Variants in SLC2A14 observed in about 807,000 individuals in gnomAD.
SLC2A14 encodes solute carrier family 2 member 14.
Under a neutral mutation model 43.0 loss-of-function variants are expected in SLC2A14, and 13 were observed. The ratio of observed to expected loss-of-function variants is 0.30; its 90% CI spans 0.20 to 0.48. The LOEUF is 0.48. Among genes scored for constraint, SLC2A14 ranks in the 20% least tolerant of loss-of-function variants. The pLI, the probability that SLC2A14 is intolerant of heterozygous loss-of-function variation, is 0.99. For missense variants in SLC2A14, 428 were observed against 620.4 expected (o/e 0.69, Z 3.29); for synonymous variants, 190 against 233.8 (o/e 0.81, Z 1.71).
At chr12:7,815,717 C>G (rs1323905352) in intron 10 of SLC2A14, among the ~76,000 whole-genome samples, 2 of 151,932 alleles carry the variant, frequency 1.3e-5, no homozygotes, top group Non-Finnish European at 2.9e-5. Context: ...GCTGGGATTA[C>G]AGGTATGCAC....
At chr12:7,840,357 G>T (rs1245229817) in intron 2 of SLC2A14, among the ~76,000 whole-genome samples, 1 of 151,790 alleles carries the variant, frequency 6.6e-6, no homozygotes, top group Non-Finnish European at 1.5e-5. Flanking sequence ...ACTGTTTATA[G>T]ATTACTCAGT....
chr12:7,866,980 C>T (rs757645792), intron 2 of SLC2A14, among the ~76,000 whole-genome samples: 3 of 147,038 alleles, frequency 2.0e-5, no homozygotes, highest in South Asian at 2.3e-4. Flanking sequence ...TCACTTTTGT[C>T]GCCCATGCTG....
Position 7,814,303 on chromosome 12 carries a change from A to G in SLC2A14, c.*13T>C. ...CTTTCCCATGCCGGGAGGGAGGTGG[A>G]AGGAGGCATGACTTAGACATTGGTG... is the stretch of plus-strand genomic sequence containing the variant. On this transcript the variant is annotated 3_prime_UTR_variant, in exon 11 of 11. Coordinates refer to ENST00000431042, the MANE Select transcript of SLC2A14 (RefSeq NM_001286234.2). 6.3e-7 allele frequency: 1 copy of G among 1,581,052 alleles called. No homozygotes were observed. Among genetic ancestry groups the G allele is most frequent in the East Asian group, 2.2e-5 (1 of 44,676 alleles).
intron 1 of SLC2A14, chr12:7,871,030 G>T: frequency 1.4e-6 from 2 of 1,429,320 alleles, no homozygotes; most frequent in Non-Finnish European, 1.9e-6. Flanking sequence ...CGACAAGCTG[G>T]CTTCACCGCG....
At chr12:7,881,468 G>A (rs886708482) in intron 1 of SLC2A14, among the ~76,000 whole-genome samples, 7 of 152,022 alleles carry the variant, frequency 4.6e-5, no homozygotes, top group Non-Finnish European at 1.0e-4. Context: ...CAGCAGTGCC[G>A]GCCCACCGGC....
chr12:7,820,619 G>C (rs1381496319), intron 8 of SLC2A14, among the ~76,000 whole-genome samples: 1 of 152,146 alleles, frequency 6.6e-6, no homozygotes, highest in Admixed American at 6.6e-5. Context: ...TTGTTTTAGT[G>C]TAAAAACAGA....
intron 2 of SLC2A14, among the ~76,000 whole-genome samples, chr12:7,838,657 ACT>A (rs1865661150): frequency 6.6e-6 from 1 of 152,246 alleles, no homozygotes; most frequent in Admixed American, 6.5e-5. Flanking sequence ...TGGATTTGGA[ACT>A]CATGCTGGAA....
intron 2 of SLC2A14, among the ~76,000 whole-genome samples, chr12:7,841,992 C>T (rs909629898): frequency 8.6e-5 from 13 of 150,312 alleles, no homozygotes; most frequent in African/African-American, 1.7e-4. Flanking sequence ...GCAACAAGAG[C>T]GAAACTCTGT....
At chr12:7,839,893 G>A (rs1407462605) in intron 2 of SLC2A14, 4 of 416,288 alleles carry the variant, frequency 9.6e-6, no homozygotes, top group Middle Eastern at 7.8e-4. Context: ...TTTTGGACCA[G>A]CCTGGGCGAC....
chr12:7,881,478 C>T (rs1240698617), intron 1 of SLC2A14, among the ~76,000 whole-genome samples: 3 of 152,092 alleles, frequency 2.0e-5, no homozygotes, highest in South Asian at 2.1e-4. Context: ...GGCCCACCGG[C>T]GCTGCACTCG....
intron 2 of SLC2A14, among the ~76,000 whole-genome samples, chr12:7,852,923 A>G (rs759153905): frequency 6.6e-6 from 1 of 152,254 alleles, no homozygotes; most frequent in Admixed American, 6.6e-5. Flanking sequence ...TCTCACTAAA[A>G]TTCAAAGCAC....
intron 7 of SLC2A14, among the ~76,000 whole-genome samples, chr12:7,823,982 G>A (rs774834932): frequency 2.0e-5 from 3 of 152,246 alleles, no homozygotes; most frequent in African/African-American, 2.4e-5. Flanking sequence ...TTGGCCAGGC[G>A]CAGTTGCTCA....
Position 7,885,736 on chromosome 12 carries a change from C to T in SLC2A14, c.132+5260G>A, listed in dbSNP as rs142338914. Among the ~76,000 whole-genome samples the T allele has an allele frequency of 1.6e-3, 249 of 152,050 alleles. 2 individuals carry two copies. The highest frequency in any genetic ancestry group is 0.012 in the South Asian group (59 of 4,824). The stretch of plus-strand genomic sequence containing the variant: ...AAGGACAGATTTCTGGGCCCACCTA[C>T]GAGATTCTTATTCAGTAGGTCTCGT... On this transcript the variant is annotated intron_variant, in intron 1 of 9. Transcript: ENST00000539924.
chr12:7,884,133 C>G (rs4269991), intron 1 of SLC2A14, among the ~76,000 whole-genome samples: 2 of 151,238 alleles, frequency 1.3e-5, no homozygotes, highest in Admixed American at 1.3e-4. Flanking sequence ...CCATGTTAGC[C>G]AGGATGGTCT....
intron 2 of SLC2A14, among the ~76,000 whole-genome samples, chr12:7,860,145 A>G (rs2120987432): frequency 6.6e-6 from 1 of 152,198 alleles, no homozygotes; most frequent in South Asian, 2.1e-4. Context: ...CCCTCCCAGT[A>G]CTGGCCCTGG....
At chr12:7,834,220 T>TC (rs1865259662) in intron 2 of SLC2A14, among the ~76,000 whole-genome samples, 1 of 151,670 alleles carries the variant, frequency 6.6e-6, no homozygotes, top group African/African-American at 2.4e-5. Context: ...TAACTTTCCA[T>TC]CCCTTCTCTT....
At chr12:7,834,115 C>T (rs1865250725) in intron 2 of SLC2A14, among the ~76,000 whole-genome samples, 1 of 152,138 alleles carries the variant, frequency 6.6e-6, no homozygotes, top group South Asian at 2.1e-4. Context: ...CAGTACAATG[C>T]TCTCTGTTAA....
chr12:7,857,876 C>T (rs1404639027), intron 2 of SLC2A14, among the ~76,000 whole-genome samples: 1 of 152,018 alleles, frequency 6.6e-6, no homozygotes, highest in Non-Finnish European at 1.5e-5. Context: ...GTGACATGAA[C>T]ACTTTGGGAG....
upstream of SLC2A14, among the ~76,000 whole-genome samples, chr12:7,874,754 T>TAA (rs1381596146): frequency 2.6e-5 from 2 of 76,690 alleles, no homozygotes; most frequent in Non-Finnish European, 5.0e-5. Flanking sequence ...TATATAAATA[T>TAA]TTATATAACT....
Sources: gnomAD v4.1 joint callset for allele counts (sites outside exome capture counted in the v4.1 genomes callset) on GRCh38, gnomAD v4.1.1 for gene constraint, MANE v1.5 for transcripts, NCBI Gene and HGNC (gene_info 2026-07-23, HGNC 2026-07-21) for gene names.